MELTF: variants seen among roughly 807,000 people sequenced by gnomAD.
MELTF encodes antigen p97 (melanoma associated) identified by monoclonal antibodies 133.2 and 96.5.
Under a neutral mutation model 83.7 loss-of-function variants are expected in MELTF, and 67 were observed. The observed-to-expected ratio is 0.80, with a 90% confidence interval of 0.66 to 0.98. The LOEUF (loss-of-function observed/expected upper bound fraction) is 0.98. Ranked by LOEUF, MELTF falls within the 50% of genes least tolerant of loss-of-function variation. The pLI, the probability that MELTF is intolerant of heterozygous loss-of-function variation, is 0.00. For synonymous variants in MELTF, 462 were observed against 447.6 expected (o/e 1.03, Z -0.41); for missense variants, 1,002 against 1,035.6 (o/e 0.97, Z 0.44).
In MELTF at chr3:197,022,466, C is replaced by T. The variant is rs1464212438; in HGVS notation, c.644+491G>A. On this transcript the variant is annotated intron_variant, in intron 5 of 15. Transcript: ENST00000296350. The surrounding 1 kb of genome is among the most constrained non-coding windows in gnomAD (Gnocchi z 5.1). ...GGAAACGTGAGGTAGCTAGAGGGGCCCGAGAAGCTTCCTTTCCAATCCTGC... is the reference window on the plus strand; with the variant it reads ...GGAAACGTGAGGTAGCTAGAGGGGCTCGAGAAGCTTCCTTTCCAATCCTGC... 6.6e-6 allele frequency among the ~76,000 whole-genome samples: 1 copy of T among 152,180 alleles called. No homozygotes were observed. Among genetic ancestry groups the T allele is most frequent in the Non-Finnish European group, 1.5e-5 (1 of 68,038 alleles).
rs368874505 is a variant in MELTF, at chr3:197,008,640, C to T, written c.1750+17G>A. 1 of 1,612,114 alleles carries T rather than the reference C, an allele frequency of 6.2e-7. No individual in the cohort carries two copies. On this transcript the variant is annotated intron_variant, in intron 13 of 15. Transcript: ENST00000296350. The surrounding 1 kb of genome is among the most constrained non-coding windows in gnomAD (Gnocchi z 5.4). ...TCCCCCCGACCTACCTTTGGCCCTG[C>T]TCTTGCCCCCACCTACCGTTTGTGT... is the stretch of plus-strand genomic sequence containing the variant.
rs553175181 is a variant in MELTF, at chr3:197,011,031, C to T, written c.1234-237G>A. Reference sequence around the variant, plus strand: ...CCAAGGGGCAGAAACACCCACGCAGCACTCCTGCGCGTGGCCACCCAGGGT... The same window carrying T: ...CCAAGGGGCAGAAACACCCACGCAGTACTCCTGCGCGTGGCCACCCAGGGT... On this transcript the variant is annotated intron_variant, in intron 9 of 15. Coordinates refer to ENST00000296350, the MANE Select transcript of MELTF (RefSeq NM_005929.6). The surrounding 1 kb of genome is among the most constrained non-coding windows in gnomAD (Gnocchi z 4.2). Among the ~76,000 whole-genome samples the T allele has an allele frequency of 1.3e-5, 2 of 152,322 alleles. No homozygotes were observed. The highest frequency in any genetic ancestry group is 4.8e-5 in the African/African-American group (2 of 41,582).
rs557826809 is a variant in MELTF at position 197,024,363 on chromosome 3, G to C, written c.427C>G (p.Pro143Ala). ...CCGCTCTCCACCAGGTAGCCCACGG[G>C]CACGTTCCAGCCCACTGTGCGATTG... is the stretch of plus-strand genomic sequence containing the variant. The part of the protein sequence containing the change: ...GINRTVGWNV[P>A]VGYLVESGRL... Residue 143 changes from proline to alanine, a missense_variant, in exon 4 of 16, where the codon CCC becomes GCC. By Grantham distance (27) the Pro-to-Ala change is conservative. Transcript: ENST00000296350. The surrounding 1 kb of genome is among the most constrained non-coding windows in gnomAD (Gnocchi z 5.3). The C allele has an allele frequency of 7.5e-6, 12 of 1,603,498 alleles. No homozygotes were observed. The African/African-American group carries it at 1.5e-4, about 20-fold the overall frequency.
rs1211105585 is a variant in MELTF at position 197,029,622 on chromosome 3, G to A, written c.49+32C>T. The stretch of plus-strand genomic sequence containing the variant: ...CGGGCCGCGGCGCCCCGGGACCCCC[G>A]CCCGCCTTTGGCTCTCACAGCGGGG... On this transcript the variant is annotated intron_variant, in intron 1 of 15. Coordinates refer to ENST00000296350, the MANE Select transcript of MELTF (RefSeq NM_005929.6). The surrounding 1 kb of genome is among the most constrained non-coding windows in gnomAD (Gnocchi z 6.5). The A allele has an allele frequency of 8.1e-6, 10 of 1,239,454 alleles. No individual in the cohort carries two copies. In the East Asian group the frequency reaches 1.3e-4, roughly 16 times the overall value. 76.8% of individuals were successfully genotyped at this position (1,239,454 alleles called of 1,614,324 possible). A position where few individuals can be genotyped will look rare whatever the true frequency, so the allele number is the denominator to read the frequency against.
intron 4 of MELTF, chr3:197,023,946 G>C (rs1441211781): frequency 5.9e-6 from 3 of 511,162 alleles, no homozygotes; most frequent in Non-Finnish European, 1.1e-5. Context: ...GTAAAGCCGA[G>C]GACACATTTC....
chr3:197,004,329 A>G, intron 14 of MELTF: 1 of 566,688 alleles, frequency 1.8e-6, no homozygotes, highest in South Asian at 2.0e-5. Flanking sequence ...GGCGTTCAGA[A>G]GCACTGCGGT....
chr3:197,019,646 C>T, intron 6 of MELTF: 1 of 1,612,202 alleles, frequency 6.2e-7, no homozygotes, highest in African/African-American at 1.3e-5. Flanking sequence ...TTTCCAAATT[C>T]TCCTTTGTCA....
chr3:197,010,206 C>T (rs1427378084), intron 10 of MELTF, among the ~76,000 whole-genome samples: 1 of 152,220 alleles, frequency 6.6e-6, no homozygotes, highest in Non-Finnish European at 1.5e-5. Flanking sequence ...GGACCCAGGC[C>T]TCTGAGGTCA....
chr3:197,014,590 A>G (rs991403469), intron 9 of MELTF, among the ~76,000 whole-genome samples: 2 of 151,962 alleles, frequency 1.3e-5, no homozygotes, highest in Admixed American at 6.6e-5. Context: ...GAGTTTCACC[A>G]TGTTGGCCAG....
chr3:197,029,642 G>C lies in MELTF; in HGVS notation c.49+12C>G. On this transcript the variant is annotated intron_variant, in intron 1 of 15. Transcript: ENST00000296350. This position sits in a 1 kb window ranked among gnomAD's most constrained non-coding sequence, Gnocchi z 6.5. ...CCCCCGCCCGCCTTTGGCTCTCACAGCGGGGCCTCACCGGTGCGCAGAGCC... is the reference window on the plus strand; with the variant it reads ...CCCCCGCCCGCCTTTGGCTCTCACACCGGGGCCTCACCGGTGCGCAGAGCC... 8.0e-7 allele frequency: 1 copy of C among 1,244,432 alleles called. No individual in the cohort carries two copies. The highest frequency in any genetic ancestry group is 1.0e-6 in the Non-Finnish European group (1 of 995,546). 77.1% of individuals were successfully genotyped at this position (1,244,432 alleles called of 1,614,324 possible).
intron 1 of MELTF, chr3:197,028,784 G>A (rs989434929): frequency 2.0e-4 from 31 of 152,724 alleles, no homozygotes; most frequent in Non-Finnish European, 1.5e-5. Context: ...CACTGCCAGA[G>A]GCCTGTGCAG....
At chr3:197,027,634 A>G in intron 2 of MELTF, 122 bp downstream of exon 2, 1 of 1,263,702 alleles carries the variant, frequency 7.9e-7, no homozygotes. Flanking sequence ...GAGACTCGGG[A>G]GATCCTATCG....
At chr3:197,017,799 C>A (rs866355114) in intron 6 of MELTF, among the ~76,000 whole-genome samples, 13 of 152,142 alleles carry the variant, frequency 8.5e-5, no homozygotes, top group African/African-American at 2.4e-4. Context: ...ATGGTGTGAA[C>A]CTGGGAGGCG....
chr3:197,023,874 G>A, intron 4 of MELTF: 1 of 459,928 alleles, frequency 2.2e-6, no homozygotes, highest in Non-Finnish European at 4.4e-6. Context: ...AGCCACTTGG[G>A]AGCTTTCTGG....
Position 197,029,717 on chromosome 3 carries a change from T to TGGGGCC in MELTF, c.-16_-15insGGCCCC. 8.1e-7 allele frequency: 1 copy of TGGGGCC among 1,235,894 alleles called. No homozygotes were observed. Among genetic ancestry groups the TGGGGCC allele is most frequent in the African/African-American group, 1.5e-5 (1 of 64,662 alleles). The allele number at this position is 1,235,894 out of a possible 1,614,324, so 76.6% of individuals were successfully genotyped here. ...GGACCCCGCATGGCGCCGTCGGGGC[T>TGGGGCC]GGCTGGGGCCGGGCTGGGGCTGGGT... On this transcript the variant is annotated 5_prime_UTR_variant, in exon 1 of 16. Transcript: ENST00000296350. The surrounding 1 kb of genome is among the most constrained non-coding windows in gnomAD (Gnocchi z 6.5).
rs1719923498 is a variant in MELTF at position 197,027,836 on chromosome 3, C to A, written c.124G>T (p.Ala42Ser). The A allele has an allele frequency of 5.0e-6, 8 of 1,611,370 alleles. No individual in the cohort carries two copies. Among genetic ancestry groups the A allele is most frequent in the Non-Finnish European group, 6.8e-6 (8 of 1,179,266 alleles). ...GGCTGGATGCCCGCTTCCCGGAAGG[C>A]CTCGCTCATGTTGCCGCACTTGTGC... ...EQHKCGNMSEAFREAGIQPSL... is the reference protein window; with the variant it reads ...EQHKCGNMSESFREAGIQPSL... The change falls in exon 2 of 16, where the codon GCC becomes TCC. Residue 42 changes from alanine (A) to serine (S), a missense_variant. Coordinates refer to ENST00000296350, the MANE Select transcript of MELTF (RefSeq NM_005929.6).
chr3:197,027,668 G>A lies in MELTF; in HGVS notation c.204+88C>T, dbSNP rs1368627290. ...CGGCCGGGCCTGGCAGGGCGAGGTCGGCTCCTTTCCTGGTGAATGGGGCTG... is the reference window on the plus strand; with the variant it reads ...CGGCCGGGCCTGGCAGGGCGAGGTCAGCTCCTTTCCTGGTGAATGGGGCTG... On this transcript the variant is annotated intron_variant, in intron 2 of 15. Coordinates refer to ENST00000296350, the MANE Select transcript of MELTF (RefSeq NM_005929.6). The A allele has an allele frequency of 1.9e-5, 28 of 1,447,126 alleles. No homozygotes were observed. The African/African-American group carries it at 2.4e-4, about 12-fold the overall frequency. The allele number at this position is 1,447,126 out of a possible 1,614,324, so 89.6% of individuals were successfully genotyped here.
At position 197,021,466 on chromosome 3, in the gene MELTF, A is replaced by G; in HGVS notation, c.650T>C (p.Leu217Pro). 1.2e-6 allele frequency: 2 copies of G among 1,613,664 alleles called. No individual in the cohort carries two copies. Among genetic ancestry groups the G allele is most frequent in the Non-Finnish European group, 1.7e-6 (2 of 1,179,908 alleles). The change falls in exon 6 of 16, where the codon CTG (leucine) becomes CCG (proline). Residue 217 changes from leucine to proline, a missense_variant. Leu to Pro is a moderately conservative substitution (Grantham distance 98). Transcript: ENST00000296350. ...YYDYSGAFRC[L>P]AEGAGDVAFV... is the part of the protein sequence containing the mutation. ...AGCCACGTCCCCTGCCCCTTCCGCC[A>G]GGCACCTGCGGAGGAGAAGCTGTGG... is the stretch of plus-strand genomic sequence containing the variant.
In MELTF at chr3:197,012,877, T is replaced by A. The variant is rs193123256; in HGVS notation, c.1234-2083A>T. 2.4e-4 allele frequency among the ~76,000 whole-genome samples: 37 copies of A among 152,346 alleles called. No homozygotes were observed. In the East Asian group the frequency reaches 6.4e-3, roughly 26 times the overall value. On this transcript the variant is annotated intron_variant, in intron 9 of 15. Transcript: ENST00000296350. ...CAGGAAAAAAAGGATTAGAATAGAA[T>A]ACATTAGAAAATAGTGGGTACCATT... is the stretch of plus-strand genomic sequence containing the variant.
Sources: allele counts gnomAD v4.1 joint callset (sites outside exome capture counted in the v4.1 genomes callset), GRCh38; gene constraint gnomAD v4.1.1; non-coding constraint Gnocchi (gnomAD v3.1); transcripts MANE v1.5; gene names NCBI Gene and HGNC (gene_info 2026-07-23, HGNC 2026-07-21).